Variants in LRRIQ4 observed in about 807,000 individuals in gnomAD.
LRRIQ4 encodes leucine rich repeats and IQ motif containing 4.
Under a neutral mutation model 40.1 loss-of-function variants are expected in LRRIQ4, and 21 were observed. That is an observed-to-expected ratio of 0.52 (90% CI 0.37 to 0.75). The LOEUF is 0.75. Among genes scored for constraint, LRRIQ4 ranks in the 30% least tolerant of loss-of-function variants. The pLI, the probability that LRRIQ4 is intolerant of heterozygous loss-of-function variation, is 0.00. For synonymous variants in LRRIQ4, 277 were observed against 277.1 expected (o/e 1.00, Z 0.00); for missense variants, 655 against 660.0 (o/e 0.99, Z 0.08).
intron 2 of LRRIQ4, among the ~76,000 whole-genome samples, chr3:169,823,376 C>G (rs1314784730): frequency 6.7e-6 from 1 of 149,852 alleles, no homozygotes; most frequent in Non-Finnish European, 1.5e-5. Context: ...GAGACGGAGT[C>G]TAGCTCTATT....
Position 169,822,829 on chromosome 3 carries a change from T to A in LRRIQ4, c.908T>A (p.Val303Asp). 2 of 1,613,544 alleles carry A rather than the reference T, an allele frequency of 1.2e-6. No homozygotes were observed. The highest frequency in any genetic ancestry group is 1.7e-6 in the Non-Finnish European group (2 of 1,179,688). ...CTGCGGGGCTCCTTCAGGTGCCTGG[T>A]CAACTTGCGCTTCCTGGACCTAAGC... Reference protein sequence around the residue: ...HRLRGSFRCLVNLRFLDLSQN... With the variant: ...HRLRGSFRCLDNLRFLDLSQN... Residue 303 changes from valine (V) to aspartate (D), a missense_variant, in exon 2 of 6, where the codon GTC becomes GAC. Val to Asp is a radical substitution (Grantham distance 152). Transcript: ENST00000340806.
rs368657877 is a variant in LRRIQ4 at position 169,822,170 on chromosome 3, G to A, written c.249G>A (p.Leu83=). 7 of 1,610,110 alleles carry A rather than the reference G, an allele frequency of 4.3e-6. No homozygotes were observed. In the African/African-American group the frequency reaches 9.4e-5, roughly 22 times the overall value. Reference sequence around the variant, plus strand: ...TCCTCTACCTGGATAAGAACAACCTGAGGAGCCTGTGCCCGGCGCTGGGGC... The same window carrying A: ...TCCTCTACCTGGATAAGAACAACCTAAGGAGCCTGTGCCCGGCGCTGGGGC... ...IRVLYLDKNN[L]RSLCPALGLL... is the part of the protein sequence containing the mutation. Residue 83 remains leucine (L), a synonymous_variant, in exon 2 of 6, where the codon CTG becomes CTA. Coordinates refer to ENST00000340806, the MANE Select transcript of LRRIQ4 (RefSeq NM_001080460.3).
chr3:169,813,833 C>A (rs761007929), intron 1 of LRRIQ4, among the ~76,000 whole-genome samples: 1 of 152,228 alleles, frequency 6.6e-6, no homozygotes, highest in Non-Finnish European at 1.5e-5. Context: ...TGGACACCTT[C>A]TACCGGTAAC....
chr3:169,827,266 G>C (rs765077073), intron 2 of LRRIQ4, among the ~76,000 whole-genome samples: 40 of 152,174 alleles, frequency 2.6e-4, no homozygotes, highest in Non-Finnish European at 2.9e-4. Flanking sequence ...GAGAAAATAA[G>C]GCATCTCTGT....
chr3:169,837,390 A>C, intron 5 of LRRIQ4, 89 bp from the exon 6 acceptor site: 1 of 1,395,632 alleles, frequency 7.2e-7, no homozygotes, highest in Non-Finnish European at 9.7e-7. Flanking sequence ...CCACGTCTTC[A>C]AGACCATGTA....
chr3:169,820,002 A>G (rs1234962251), intron 1 of LRRIQ4, among the ~76,000 whole-genome samples: 1 of 152,208 alleles, frequency 6.6e-6, no homozygotes, highest in East Asian at 1.9e-4. Flanking sequence ...ATTGTCTCAG[A>G]GCTGGTTTTG....
At chr3:169,834,159 CG>C (rs1305383560) in intron 5 of LRRIQ4, among the ~76,000 whole-genome samples, 5 of 152,120 alleles carry the variant, frequency 3.3e-5, no homozygotes, top group Admixed American at 2.6e-4. Context: ...GTCAGGAGTT[CG>C]AGATCAGCCT....
At chr3:169,835,970 G>A (rs2108188413) in intron 5 of LRRIQ4, among the ~76,000 whole-genome samples, 1 of 152,124 alleles carries the variant, frequency 6.6e-6, no homozygotes, top group South Asian at 2.1e-4. Context: ...ATATAAAACA[G>A]CATACCCCCA....
At chr3:169,821,829 A>C in intron 1 of LRRIQ4, 62 bp from the exon 2 acceptor site, 1 of 812,968 alleles carries the variant, frequency 1.2e-6, no homozygotes, top group Non-Finnish European at 1.8e-6. Context: ...ATTTTTCTTA[A>C]GGATAGCAAG....
In LRRIQ4 at chr3:169,821,874, T is replaced by G; in HGVS notation, c.-31-17T>G. ...AGGTAAATTCTATTTTTTTTCATCC[T>G]TTTCACAATATTTCAGATTTTGAAT... On this transcript the variant is annotated splice_polypyrimidine_tract_variant and intron_variant, in intron 1 of 5. Transcript: ENST00000340806. 1 of 1,302,158 alleles carries G rather than the reference T, an allele frequency of 7.7e-7. No individual in the cohort carries two copies. Among genetic ancestry groups the G allele is most frequent in the Non-Finnish European group, 1.0e-6 (1 of 991,926 alleles). 80.7% of individuals were successfully genotyped at this position (1,302,158 alleles called of 1,614,324 possible). A position where few individuals can be genotyped will look rare whatever the true frequency, so the allele number is the denominator to read the frequency against.
At chr3:169,821,278 G>A (rs1467109883) in intron 1 of LRRIQ4, among the ~76,000 whole-genome samples, 5 of 152,162 alleles carry the variant, frequency 3.3e-5, no homozygotes, top group African/African-American at 1.2e-4. Flanking sequence ...GTTATGGTAA[G>A]AGCAAGGATC....
At chr3:169,828,683 A>C (rs978213322) in intron 2 of LRRIQ4, 76 bp from the exon 3 acceptor site, 2 of 1,434,764 alleles carry the variant, frequency 1.4e-6, no homozygotes, top group African/African-American at 2.9e-5. Context: ...AGTCTGCCTC[A>C]AAACCAGAAG....
At position 169,822,877 on chromosome 3, in the gene LRRIQ4, C is replaced by T. The variant is rs768956499; in HGVS notation, c.956C>T (p.Pro319Leu). ...AGCCAGAACCATCTGCACCACTGCC[C>T]GCTGCAGATCTGTGCACTGAAGAAC... ...DLSQNHLHHC[P>L]LQICALKNLE... Residue 319 changes from proline to leucine, a missense_variant, in exon 2 of 6, where the codon CCG becomes CTG. Physicochemically the swap from Pro to Leu is moderately conservative, Grantham distance 98. Transcript: ENST00000340806. 1.9e-6 allele frequency: 3 copies of T among 1,602,380 alleles called. No homozygotes were observed. The highest frequency in any genetic ancestry group is 1.7e-5 in the Admixed American group (1 of 58,314).
At chr3:169,819,271 G>A (rs1323112874) in intron 1 of LRRIQ4, among the ~76,000 whole-genome samples, 1 of 152,134 alleles carries the variant, frequency 6.6e-6, no homozygotes, top group Non-Finnish European at 1.5e-5. Context: ...ATCCACAAAT[G>A]AACGTGAAAT....
chr3:169,837,427 C>T (rs1369662314), intron 5 of LRRIQ4, 52 bp from the exon 6 acceptor site: 2 of 1,550,270 alleles, frequency 1.3e-6, no homozygotes, highest in South Asian at 1.3e-5. Flanking sequence ...TAACAATTTC[C>T]AGTTCATTGT....
chr3:169,830,409 A>AAAAAAAAT, intron 3 of LRRIQ4, 83 bp from the exon 4 acceptor site: 1 of 508,544 alleles, frequency 2.0e-6, no homozygotes, highest in Non-Finnish European at 2.9e-6. Flanking sequence ...AAAAAAAAAA[A>AAAAAAAAT]TGCATGAGCA....
At chr3:169,827,634 AT>A (rs1409815890) in intron 2 of LRRIQ4, among the ~76,000 whole-genome samples, 2 of 141,824 alleles carry the variant, frequency 1.4e-5, no homozygotes, top group East Asian at 2.1e-4. Flanking sequence ...AAAAAAAGAG[AT>A]TTTTTTCCCA....
intron 2 of LRRIQ4, 149 bp from the exon 3 acceptor site, chr3:169,828,610 A>C (rs1335297464): frequency 3.2e-6 from 2 of 632,964 alleles, no homozygotes; most frequent in East Asian, 5.5e-5. Context: ...TAAATACTGT[A>C]ATGCAGATAT....
chr3:169,830,454 T>A (rs762648541), intron 3 of LRRIQ4, 38 bp from the exon 4 acceptor site: 2 of 1,120,290 alleles, frequency 1.8e-6, no homozygotes, highest in Non-Finnish European at 2.4e-6. Context: ...AATTAATTAA[T>A]CAAGGTATAT....
Sources: gnomAD v4.1 joint callset for allele counts (sites outside exome capture counted in the v4.1 genomes callset) on GRCh38, gnomAD v4.1.1 for gene constraint, MANE v1.5 for transcripts, NCBI Gene and HGNC (gene_info 2026-07-23, HGNC 2026-07-21) for gene names.